The following VTCN1 variants were observed in gnomAD, a reference collection of about 807,000 sequenced individuals.
VTCN1 encodes V-set domain-containing T-cell activation inhibitor 1.
In VTCN1, 26 loss-of-function variants were observed where a neutral mutation model predicts 26.5. That is an observed-to-expected ratio of 0.98 (90% CI 0.72 to 1.36). The LOEUF is 1.36. Among genes scored for constraint, VTCN1 ranks in the 40% most tolerant of loss-of-function variants. The pLI is 0.00. For synonymous variants in VTCN1, 116 were observed against 130.7 expected (o/e 0.89, Z 0.77); for missense variants, 298 against 337.7 (o/e 0.88, Z 0.92).
At chr1:117,165,128 T>C (rs1235668845) in intron 2 of VTCN1, among the ~76,000 whole-genome samples, 1 of 152,224 alleles carries the variant, frequency 6.6e-6, no homozygotes, top group Non-Finnish European at 1.5e-5. Flanking sequence ...ACGTTGTCAT[T>C]GGTATGGGGT....
chr1:117,177,142 G>A (rs547281296), intron 1 of VTCN1, among the ~76,000 whole-genome samples: 1 of 151,970 alleles, frequency 6.6e-6, no homozygotes, highest in African/African-American at 2.4e-5. Context: ...GATTAAAAGC[G>A]GGAAAGGAAA....
intron 1 of VTCN1, among the ~76,000 whole-genome samples, chr1:117,184,453 T>G (rs575801288): frequency 1.3e-4 from 20 of 152,256 alleles, no homozygotes; most frequent in Middle Eastern, 6.8e-3. Flanking sequence ...ATCTAGAAAT[T>G]TATAATCAGG....
chr1:117,185,806 C>T (rs1647912586), intron 1 of VTCN1, among the ~76,000 whole-genome samples: 1 of 152,148 alleles, frequency 6.6e-6, no homozygotes, highest in Non-Finnish European at 1.5e-5. Flanking sequence ...ATTTTTAAAT[C>T]TACCTGTGAC....
rs141993648 is a variant in VTCN1 at position 117,173,771 on chromosome 1, G to A, written c.33-3600C>T. Among the ~76,000 whole-genome samples, 1,144 of 152,260 alleles carry A rather than the reference G, an allele frequency of 7.5e-3. 20 individuals are homozygous for A. The highest frequency in any genetic ancestry group is 0.025 in the African/African-American group (1,057 of 41,542). ...TATTATTAAAAGCTGTGACTTTTAC[G>A]GGAGGGGACCTGAACAGCGACACTG... On this transcript the variant is annotated intron_variant, in intron 1 of 5. Coordinates refer to ENST00000369458, the MANE Select transcript of VTCN1 (RefSeq NM_024626.4).
chr1:117,199,289 A>AAT (rs1263259564), intron 1 of VTCN1, among the ~76,000 whole-genome samples: 1 of 152,132 alleles, frequency 6.6e-6, no homozygotes, highest in Non-Finnish European at 1.5e-5. Flanking sequence ...GTCCTAGAAG[A>AAT]ATATATATTA....
intron 1 of VTCN1, among the ~76,000 whole-genome samples, chr1:117,182,202 A>C (rs976311504): frequency 6.6e-6 from 1 of 152,130 alleles, no homozygotes; most frequent in Admixed American, 6.5e-5. Context: ...ATATTTGTAC[A>C]CTCCAAGTCT....
intron 4 of VTCN1, among the ~76,000 whole-genome samples, chr1:117,151,829 C>G (rs1352702461): frequency 1.3e-5 from 2 of 152,108 alleles, no homozygotes; most frequent in Non-Finnish European, 2.9e-5. Context: ...CATGAGGGTT[C>G]CAATTTTTCC....
intron 2 of VTCN1, among the ~76,000 whole-genome samples, chr1:117,168,027 A>C (rs1040024132): frequency 3.9e-5 from 6 of 152,144 alleles, no homozygotes; most frequent in Non-Finnish European, 7.3e-5. Flanking sequence ...AATTATGAAC[A>C]GGAAAAGAAA....
In VTCN1 at chr1:117,153,096, A is replaced by C. The variant is rs1379361234; in HGVS notation, c.719T>G (p.Val240Gly). Residue 240 changes from valine (V) to glycine (G), a missense_variant, in exon 4 of 6, where the codon GTG becomes GGG. Transcript: ENST00000369458. ...DIAKATGDIK[V>G]TESEIKRRSH... ...AAAAGCATGCAGGAACCCACCTGTCACTTTGATATCCCCTGTTGCTTTGGC... is the reference window on the plus strand; with the variant it reads ...AAAAGCATGCAGGAACCCACCTGTCCCTTTGATATCCCCTGTTGCTTTGGC... The C allele has an allele frequency of 6.2e-7, 1 of 1,604,770 alleles. No homozygotes were observed. Among genetic ancestry groups the C allele is most frequent in the Non-Finnish European group, 8.5e-7 (1 of 1,173,448 alleles).
At position 117,169,748 on chromosome 1, in the gene VTCN1, C is replaced by T. The variant is rs949141818; in HGVS notation, c.97+359G>A. ...TCTCTACTAAAAATAAAAAAATTAG[C>T]CTGGCATGGTGGTGCACATGCCTGT... is the stretch of plus-strand genomic sequence containing the variant. On this transcript the variant is annotated intron_variant, in intron 2 of 5. Transcript: ENST00000369458. This position sits in a 1 kb window ranked among gnomAD's most constrained non-coding sequence, Gnocchi z 4.0. Among the ~76,000 whole-genome samples the T allele has an allele frequency of 6.6e-6, 1 of 152,014 alleles. No homozygotes were observed. Among genetic ancestry groups the T allele is most frequent in the Non-Finnish European group, 1.5e-5 (1 of 68,000 alleles).
At chr1:117,148,841 C>T (rs1295628878) in intron 4 of VTCN1, among the ~76,000 whole-genome samples, 1 of 152,192 alleles carries the variant, frequency 6.6e-6, no homozygotes, top group Non-Finnish European at 1.5e-5. Flanking sequence ...ACAGCCGAGA[C>T]TCCCCACTGT....
intron 4 of VTCN1, among the ~76,000 whole-genome samples, chr1:117,149,891 C>T (rs972994672): frequency 1.3e-5 from 2 of 152,164 alleles, no homozygotes; most frequent in Non-Finnish European, 2.9e-5. Context: ...TTTTGAGCTA[C>T]CAAAAGTTGT....
rs1453683913 is a variant in VTCN1, at chr1:117,144,730, A to G, written c.*541T>C. 1 of 152,608 alleles carries G rather than the reference A, an allele frequency of 6.6e-6. No individual in the cohort carries two copies. The highest frequency in any genetic ancestry group is 1.5e-5 in the Non-Finnish European group (1 of 68,034). 9.5% of individuals were successfully genotyped at this position (152,608 alleles called of 1,614,324 possible). ...AGCATCATAAAAAGTGAATCATTTGACCCATTACTAAAATGCAGCCGCCCC... is the reference window on the plus strand; with the variant it reads ...AGCATCATAAAAAGTGAATCATTTGGCCCATTACTAAAATGCAGCCGCCCC... On this transcript the variant is annotated 3_prime_UTR_variant, in exon 6 of 6. Transcript: ENST00000369458.
Position 117,156,669 on chromosome 1 carries a change from A to C in VTCN1, c.350T>G (p.Leu117Arg). 6.2e-7 allele frequency: 1 copy of C among 1,614,178 alleles called. No individual in the cohort carries two copies. The highest frequency in any genetic ancestry group is 8.5e-7 in the Non-Finnish European group (1 of 1,180,018). ...QVIVGNASLRLKNVQLTDAGT... is the reference protein window; with the variant it reads ...QVIVGNASLRRKNVQLTDAGT... ...AGCATCTGTGAGTTGCACGTTTTTC[A>C]GCCGCAAAGAGGCATTGCCAACTAT... Residue 117 changes from leucine (L) to arginine (R), a missense_variant, in exon 3 of 6, where the codon CTG becomes CGG. Transcript: ENST00000369458.
chr1:117,201,639 G>T (rs1386974658), intron 1 of VTCN1, among the ~76,000 whole-genome samples: 1 of 152,222 alleles, frequency 6.6e-6, no homozygotes, highest in Non-Finnish European at 1.5e-5. Flanking sequence ...TTATGGGGAA[G>T]CACCCACAGA....
chr1:117,160,966 G>A (rs1441512169), intron 2 of VTCN1, among the ~76,000 whole-genome samples: 1 of 152,164 alleles, frequency 6.6e-6, no homozygotes, highest in Non-Finnish European at 1.5e-5. Flanking sequence ...AAAGGAGGAA[G>A]AGGAGACAAA....
At position 117,169,996 on chromosome 1, in the gene VTCN1, C is replaced by G. The variant is rs1652816010; in HGVS notation, c.97+111G>C. 6 of 994,974 alleles carry G rather than the reference C, an allele frequency of 6.0e-6. No homozygotes were observed. In the South Asian group the frequency reaches 6.9e-5, roughly 11 times the overall value. The allele number at this position is 994,974 out of a possible 1,614,324, so 61.6% of individuals were successfully genotyped here. On this transcript the variant is annotated intron_variant, in intron 2 of 5. Transcript: ENST00000369458. The surrounding 1 kb of genome is among the most constrained non-coding windows in gnomAD (Gnocchi z 4.0). ...GAAGTAGAAGAATGAATGCTATACT[C>G]TGAGGTTTTCTGGGTCAAAGCTCTG...
intron 1 of VTCN1, among the ~76,000 whole-genome samples, chr1:117,208,197 TATG>T (rs1162862117): frequency 2.6e-5 from 4 of 152,234 alleles, no homozygotes; most frequent in African/African-American, 9.6e-5. Flanking sequence ...AACTTCATGT[TATG>T]ATGATAATAC....
intron 4 of VTCN1, among the ~76,000 whole-genome samples, chr1:117,149,171 A>G (rs955781693): frequency 6.6e-6 from 1 of 152,136 alleles, no homozygotes; most frequent in Non-Finnish European, 1.5e-5. Flanking sequence ...AACCTATCAC[A>G]TGCTGGCTAT....
Sources: gnomAD v4.1 joint callset for allele counts (sites outside exome capture counted in the v4.1 genomes callset) on GRCh38, gnomAD v4.1.1 for gene constraint, Gnocchi (gnomAD v3.1) non-coding constraint, MANE v1.5 for transcripts, NCBI Gene and HGNC (gene_info 2026-07-23, HGNC 2026-07-21) for gene names.